PRKCZ: variants seen among roughly 807,000 people sequenced by gnomAD.
PRKCZ encodes the protein protein kinase C zeta type.
PRKCZ carries 33 observed loss-of-function variants against 79.5 expected under a neutral mutation model. The observed-to-expected ratio is 0.41, with a 90% CI of 0.31 to 0.55. The LOEUF is 0.55. PRKCZ is among the 20% of genes least tolerant of loss of function. The pLI is 0.19. For missense variants in PRKCZ, 578 were observed against 813.5 expected (o/e 0.71, Z 3.52); for synonymous variants, 342 against 320.9 (o/e 1.07, Z -0.70).
chr1:2,092,376 C>T (rs1171474261), intron 4 of PRKCZ, among the ~76,000 whole-genome samples: 1 of 152,186 alleles, frequency 6.6e-6, no homozygotes, highest in South Asian at 2.1e-4. Flanking sequence ...CCTCAGGGTG[C>T]CCAGAGAGGG....
In PRKCZ at chr1:2,149,031, G is replaced by A. The variant is rs1488973845; in HGVS notation, c.687+107G>A. ...TCTAGATGTGAAATAGACATGGTCC[G>A]GGGTGTTGCTAACTAATCTTCACGG... On this transcript the variant is annotated intron_variant, in intron 8 of 17. Transcript: ENST00000378567. This position sits in a 1 kb window ranked among gnomAD's most constrained non-coding sequence, Gnocchi z 4.1. 1.1e-5 allele frequency: 14 copies of A among 1,263,896 alleles called. No individual in the cohort carries two copies. Among genetic ancestry groups the A allele is most frequent in the South Asian group, 3.8e-5 (3 of 79,436 alleles). 78.3% of individuals were successfully genotyped at this position (1,263,896 alleles called of 1,614,324 possible). A position where few individuals can be genotyped will look rare whatever the true frequency, so the allele number is the denominator to read the frequency against.
At chr1:2,090,079 C>G (rs79477783) in intron 4 of PRKCZ, among the ~76,000 whole-genome samples, 3,781 of 152,264 alleles carry the variant, frequency 0.025, 157 homozygotes, top group East Asian at 0.13. Flanking sequence ...CCACGTTACC[C>G]TCTGTTATGA....
intron 1 of PRKCZ, among the ~76,000 whole-genome samples, chr1:2,052,363 G>A (rs1231688318): frequency 6.6e-6 from 1 of 151,940 alleles, no homozygotes; most frequent in Non-Finnish European, 1.5e-5. Flanking sequence ...AGGCTGGAGA[G>A]ACCAGGCTCC....
At position 2,165,356 on chromosome 1, in the gene PRKCZ, C is replaced by T. The variant is rs777737715; in HGVS notation, c.975-4162C>T. Among the ~76,000 whole-genome samples, 1 of 152,118 alleles carries T rather than the reference C, an allele frequency of 6.6e-6. No homozygotes were observed. The highest frequency in any genetic ancestry group is 1.5e-5 in the Non-Finnish European group (1 of 68,020). ...TCCAAGTGAGGGTTCTGGGCCCGCC[C>T]GAGTCATCTGATGTTGGGTCTGACA... On this transcript the variant is annotated intron_variant, in intron 10 of 17. Transcript: ENST00000378567. This position sits in a 1 kb window ranked among gnomAD's most constrained non-coding sequence, Gnocchi z 4.1.
intron 4 of PRKCZ, among the ~76,000 whole-genome samples, chr1:2,108,397 G>A (rs1033642841): frequency 1.3e-5 from 2 of 152,240 alleles, no homozygotes; most frequent in African/African-American, 4.8e-5. Context: ...GCCAGGCCAC[G>A]TCCTCATCCC....
intron 4 of PRKCZ, among the ~76,000 whole-genome samples, chr1:2,077,702 A>G (rs1404251205): frequency 3.3e-5 from 5 of 152,204 alleles, no homozygotes; most frequent in Non-Finnish European, 5.9e-5. Context: ...CACTCCCTGG[A>G]GGGGATCACA....
At chr1:2,113,119 C>T (rs896410027) in intron 4 of PRKCZ, among the ~76,000 whole-genome samples, 3 of 152,278 alleles carry the variant, frequency 2.0e-5, no homozygotes, top group Non-Finnish European at 2.9e-5. Flanking sequence ...GCTCTGGAGC[C>T]GGGCACTGCC....
At chr1:2,135,716 C>T (rs1676059168) in intron 5 of PRKCZ, among the ~76,000 whole-genome samples, 1 of 152,224 alleles carries the variant, frequency 6.6e-6, no homozygotes, top group South Asian at 2.1e-4. Flanking sequence ...TTCAGCCGCA[C>T]ACAGTGTTGC....
At chr1:2,055,820 C>G (rs1021790041) in intron 2 of PRKCZ, 1 of 439,368 alleles carries the variant, frequency 2.3e-6, no homozygotes, top group Non-Finnish European at 4.0e-6. Flanking sequence ...CTGCCCCACC[C>G]TGGGCAGGTC....
At chr1:2,088,869 A>G (rs114841807) in intron 4 of PRKCZ, among the ~76,000 whole-genome samples, 1,878 of 152,348 alleles carry the variant, frequency 0.012, 33 homozygotes, top group African/African-American at 0.043. Flanking sequence ...AACTTGACCC[A>G]TAGGGCAGGA....
Position 2,172,917 on chromosome 1 carries a change from G to T in PRKCZ, c.1285+529G>T, listed in dbSNP as rs113573957. ...GGGACGTGGGCACGCGTGTGCAGCC[G>T]TGTGTGCGTGTGTGAAACGGGGATG... On this transcript the variant is annotated intron_variant, in intron 13 of 17. Transcript: ENST00000378567. The surrounding 1 kb of genome is among the most constrained non-coding windows in gnomAD (Gnocchi z 7.8). Among the ~76,000 whole-genome samples, 2 of 150,178 alleles carry T rather than the reference G, an allele frequency of 1.3e-5. No individual in the cohort carries two copies. Among genetic ancestry groups the T allele is most frequent in the Non-Finnish European group, 3.0e-5 (2 of 67,690 alleles).
intron 4 of PRKCZ, among the ~76,000 whole-genome samples, chr1:2,092,772 T>C (rs776048987): frequency 1.2e-4 from 18 of 152,180 alleles, no homozygotes; most frequent in Non-Finnish European, 4.4e-5. Flanking sequence ...TGGTCTTCAC[T>C]GTGAGCAGGG....
intron 4 of PRKCZ, among the ~76,000 whole-genome samples, chr1:2,114,775 A>C (rs2102754870): frequency 6.6e-6 from 1 of 152,306 alleles, no homozygotes; most frequent in East Asian, 1.9e-4. Flanking sequence ...TCCGTCTCAA[A>C]AAAAAAAGAA....
intron 4 of PRKCZ, among the ~76,000 whole-genome samples, chr1:2,119,649 G>C (rs965634898): frequency 6.6e-6 from 1 of 152,182 alleles, no homozygotes; most frequent in Non-Finnish European, 1.5e-5. Context: ...TGGTCCTTCA[G>C]ATTTACCCCC....
chr1:2,138,674 G>A (rs1330240906), intron 5 of PRKCZ, among the ~76,000 whole-genome samples: 2 of 152,162 alleles, frequency 1.3e-5, no homozygotes, highest in East Asian at 1.9e-4. Context: ...AGTGGCTCAC[G>A]CCTGTAATCC....
intron 4 of PRKCZ, among the ~76,000 whole-genome samples, chr1:2,123,507 C>T (rs573588062): frequency 2.2e-4 from 1 of 4,622 alleles, no homozygotes; most frequent in Non-Finnish European, 3.3e-4. Flanking sequence ...AGGGTCGTGG[C>T]GGTGGTTAGG....
chr1:2,161,401 G>A (rs920079110), intron 10 of PRKCZ, among the ~76,000 whole-genome samples: 12 of 152,246 alleles, frequency 7.9e-5, no homozygotes, highest in African/African-American at 1.4e-4. Context: ...TTGCGAGGGC[G>A]TCCTGCACTC....
chr1:2,084,089 G>A (rs559521375), intron 4 of PRKCZ, among the ~76,000 whole-genome samples: 10 of 152,152 alleles, frequency 6.6e-5, no homozygotes, highest in East Asian at 1.9e-4. Context: ...AAAATTAGCC[G>A]GGCATGCATG....
At chr1:2,096,326 G>A (rs1483379560) in intron 4 of PRKCZ, among the ~76,000 whole-genome samples, 2 of 151,286 alleles carry the variant, frequency 1.3e-5, no homozygotes, top group East Asian at 2.0e-4. Context: ...TTGGCATCTG[G>A]AGTAGCTGCC....
Sources: gnomAD v4.1 joint callset for allele counts (sites outside exome capture counted in the v4.1 genomes callset) on GRCh38, gnomAD v4.1.1 for gene constraint, Gnocchi (gnomAD v3.1) non-coding constraint, MANE v1.5 for transcripts, NCBI Gene and HGNC (gene_info 2026-07-23, HGNC 2026-07-21) for gene names.